AGBL1: variants seen among roughly 807,000 people sequenced by gnomAD.
AGBL1 encodes the protein AGBL carboxypeptidase 1.
A neutral mutation model predicts 118.9 loss-of-function variants in AGBL1; 130 were observed. The ratio of observed to expected loss-of-function variants is 1.09; its 90% CI spans 0.95 to 1.26. AGBL1 has a LOEUF of 1.26. Ranked by LOEUF, AGBL1 falls within the 50% of genes most tolerant of loss-of-function variation. The pLI is 0.00. For synonymous variants in AGBL1, 555 were observed against 478.9 expected (o/e 1.16, Z -2.08); for missense variants, 1,584 against 1,298.1 (o/e 1.22, Z -3.38).
chr15:86,826,423 A>AAT, intron 22 of AGBL1, among the ~76,000 whole-genome samples: 1 of 152,094 alleles, frequency 6.6e-6, no homozygotes, highest in South Asian at 2.1e-4. Context: ...TTATTACACG[A>AAT]CATCTAAAAT....
intron 23 of AGBL1, among the ~76,000 whole-genome samples, chr15:86,930,799 C>T (rs2080595196): frequency 6.6e-6 from 1 of 152,132 alleles, no homozygotes; most frequent in East Asian, 1.9e-4. Context: ...TCTTGAGTTT[C>T]TTCAAGGGGA....
chr15:86,516,837 C>G (rs1372646246), intron 18 of AGBL1, among the ~76,000 whole-genome samples: 1 of 148,950 alleles, frequency 6.7e-6, no homozygotes, highest in East Asian at 2.0e-4. Context: ...ATCACGTGTT[C>G]TTGATTGATG....
At chr15:86,879,421 T>C (rs2141526986) in intron 22 of AGBL1, among the ~76,000 whole-genome samples, 1 of 152,272 alleles carries the variant, frequency 6.6e-6, no homozygotes, top group East Asian at 1.9e-4. Flanking sequence ...AGGCCTGCTG[T>C]GCTTTTGGCT....
rs150837664 is a variant in AGBL1 at position 86,129,257 on chromosome 15, G to T, written c.52-12747G>T. Among the ~76,000 whole-genome samples, 83 of 152,252 alleles carry T rather than the reference G, an allele frequency of 5.5e-4. 1 individual carries two copies. Among genetic ancestry groups the T allele is most frequent in the African/African-American group, 2.0e-3 (82 of 41,552 alleles). On this transcript the variant is annotated intron_variant, in intron 1 of 22. Coordinates refer to ENST00000614907, the MANE Select transcript of AGBL1 (RefSeq NM_001386094.1). ...AATGAAACTTGCTAAATTTAACTACGTTGTCACTTAACCCTCTGTGTGTGT... is the reference window on the plus strand; with the variant it reads ...AATGAAACTTGCTAAATTTAACTACTTTGTCACTTAACCCTCTGTGTGTGT...
At chr15:86,859,556 G>T (rs1170190092) in intron 22 of AGBL1, among the ~76,000 whole-genome samples, 2 of 152,154 alleles carry the variant, frequency 1.3e-5, no homozygotes, top group Non-Finnish European at 2.9e-5. Context: ...TGGGTTCAAA[G>T]GTTGCTACTA....
chr15:86,698,838 A>G (rs1185363181), intron 22 of AGBL1, among the ~76,000 whole-genome samples: 1 of 151,996 alleles, frequency 6.6e-6, no homozygotes, highest in East Asian at 1.9e-4. Flanking sequence ...TTGAAGGTAT[A>G]TTGTGAAGGT....
intron 1 of AGBL1, among the ~76,000 whole-genome samples, chr15:86,140,955 A>G (rs2076954989): frequency 6.6e-6 from 1 of 152,220 alleles, no homozygotes; most frequent in African/African-American, 2.4e-5. Context: ...TTTATCCTAT[A>G]TGTGATGGGG....
At chr15:86,401,961 G>A (rs1380076937) in intron 18 of AGBL1, among the ~76,000 whole-genome samples, 2 of 151,892 alleles carry the variant, frequency 1.3e-5, no homozygotes, top group Non-Finnish European at 2.9e-5. Context: ...TGAGTTTTAG[G>A]ATTGTTTTTT....
intron 22 of AGBL1, among the ~76,000 whole-genome samples, chr15:86,833,050 C>G (rs1258018193): frequency 6.6e-6 from 1 of 152,110 alleles, no homozygotes; most frequent in Non-Finnish European, 1.5e-5. Flanking sequence ...GGGAACTCCC[C>G]TTTATAAAAC....
chr15:86,737,263 C>T (rs1388620293), intron 22 of AGBL1, among the ~76,000 whole-genome samples: 1 of 152,070 alleles, frequency 6.6e-6, no homozygotes, highest in Non-Finnish European at 1.5e-5. Flanking sequence ...GAGGTGATAT[C>T]TGAGCTGGGC....
At chr15:86,739,443 CAAAAAAAAA>C (rs34530266) in intron 22 of AGBL1, among the ~76,000 whole-genome samples, 2 of 66,638 alleles carry the variant, frequency 3.0e-5, no homozygotes, top group Non-Finnish European at 2.5e-5. Context: ...AACTCCATCT[CAAAAAAAAA>C]AAAAAAAAAA....
intron 18 of AGBL1, among the ~76,000 whole-genome samples, chr15:86,421,267 A>G (rs1485430413): frequency 6.6e-6 from 1 of 152,198 alleles, no homozygotes; most frequent in Non-Finnish European, 1.5e-5. Context: ...ATATCTCTCT[A>G]TGGAAACCCT....
intron 24 of AGBL1, among the ~76,000 whole-genome samples, chr15:87,007,860 A>G (rs1034232446): frequency 6.6e-6 from 1 of 152,216 alleles, no homozygotes; most frequent in African/African-American, 2.4e-5. Context: ...AGCCTAATGT[A>G]TATGGCAATT....
chr15:86,219,442 G>A (rs1433057556), intron 5 of AGBL1, among the ~76,000 whole-genome samples: 1 of 152,076 alleles, frequency 6.6e-6, no homozygotes, highest in African/African-American at 2.4e-5. Flanking sequence ...CATCCCATCA[G>A]TTAGATCTTA....
intron 22 of AGBL1, among the ~76,000 whole-genome samples, chr15:86,822,139 G>A (rs762353190): frequency 1.3e-5 from 2 of 152,128 alleles, no homozygotes; most frequent in Admixed American, 6.6e-5. Flanking sequence ...ATGGAAGTTC[G>A]TGAGTATATT....
intron 18 of AGBL1, among the ~76,000 whole-genome samples, chr15:86,488,077 A>G (rs1341462351): frequency 1.3e-5 from 2 of 152,014 alleles, no homozygotes; most frequent in Non-Finnish European, 2.9e-5. Context: ...TTCCAGTCAT[A>G]TTGGCCCACA....
intron 18 of AGBL1, among the ~76,000 whole-genome samples, chr15:86,508,024 G>C (rs1204070994): frequency 4.1e-5 from 2 of 49,334 alleles, no homozygotes; most frequent in African/African-American, 1.4e-4. Context: ...TTTTTTTTTT[G>C]AGATGGAATC....
intron 22 of AGBL1, among the ~76,000 whole-genome samples, chr15:86,742,570 C>G (rs74025449): frequency 1.4e-4 from 22 of 152,184 alleles, no homozygotes; most frequent in African/African-American, 5.1e-4. Context: ...TCTGTTTGTC[C>G]CTATGTTCTG....
chr15:86,674,275 T>A lies in AGBL1; in HGVS notation c.2997T>A (p.Gly999=). ...TTAATGCTTTGTTTAACTGGCAGGG[T>A]CTACAGTTTGGTACCAGAGAACTGG... The part of the protein sequence containing the change: ...YCGCNQGPYQ[G]LQFGTRELEE... The change falls in exon 22 of 23, where the codon GGT becomes GGA. Residue 999 remains glycine (G), a splice_region_variant and synonymous_variant. Transcript: ENST00000614907. 2 of 1,609,210 alleles carry A rather than the reference T, an allele frequency of 1.2e-6. No individual in the cohort carries two copies. Among genetic ancestry groups the A allele is most frequent in the Middle Eastern group, 1.7e-4 (1 of 6,048 alleles).
Sources: gnomAD v4.1 joint callset for allele counts (sites outside exome capture counted in the v4.1 genomes callset) on GRCh38, gnomAD v4.1.1 for gene constraint, MANE v1.5 for transcripts, NCBI Gene and HGNC (gene_info 2026-07-23, HGNC 2026-07-21) for gene names.